Variants in PLAGL1 observed in about 807,000 individuals in gnomAD.
PLAGL1 encodes the protein zinc finger protein PLAGL1.
A neutral mutation model predicts 4.6 loss-of-function variants in PLAGL1; 1 was observed. That is an observed-to-expected ratio of 0.22 (90% CI 0.08 to 1.03). The LOEUF (loss-of-function observed/expected upper bound fraction) is 1.03. Among genes scored for constraint, PLAGL1 ranks in the 50% least tolerant of loss-of-function variants. The pLI is 0.58. For missense variants in PLAGL1, 464 were observed against 570.4 expected (o/e 0.81, Z 1.90); for synonymous variants, 240 against 237.8 (o/e 1.01, Z -0.08).
In PLAGL1 at chr6:143,940,826, A is replaced by C. The variant is rs1778422766; in HGVS notation, c.*598T>G. 1.3e-5 allele frequency: 2 copies of C among 152,584 alleles called. No individual in the cohort carries two copies. Among genetic ancestry groups the C allele is most frequent in the Admixed American group, 1.3e-4 (2 of 15,278 alleles). 9.5% of individuals were successfully genotyped at this position (152,584 alleles called of 1,614,324 possible). ...CTCACATTGCAGCATCTTGTGGAAA[A>C]TATTCAAACTACATTTAAAATGCTT... On this transcript the variant is annotated 3_prime_UTR_variant, in exon 8 of 8. Coordinates refer to ENST00000674357, the MANE Select transcript of PLAGL1 (RefSeq NM_001317162.2).
chr6:144,049,579 A>G (rs1798432564), intron 1 of PLAGL1, among the ~76,000 whole-genome samples: 1 of 152,156 alleles, frequency 6.6e-6, no homozygotes, highest in South Asian at 2.1e-4. Context: ...TGAGGAGTGA[A>G]GGGGAAAGAG....
rs57728555 is a variant in PLAGL1 at position 143,982,396 on chromosome 6, G to C, written c.-544+2739C>G. 6.6e-6 allele frequency among the ~76,000 whole-genome samples: 1 copy of C among 152,102 alleles called. No homozygotes were observed. Among genetic ancestry groups the C allele is most frequent in the African/African-American group, 2.4e-5 (1 of 41,408 alleles). On this transcript the variant is annotated intron_variant, in intron 2 of 7. Transcript: ENST00000674357. The surrounding 1 kb of genome is among the most constrained non-coding windows in gnomAD (Gnocchi z 5.3). ...GCTAAAGCAGTCAGTGAAGGGAAGC[G>C]GTAAAAGATTAGGCCAGAAGTAATG...
Position 143,958,241 on chromosome 6 carries a change from C to T in PLAGL1, c.-325+2228G>A, listed in dbSNP as rs1245557946. Among the ~76,000 whole-genome samples the T allele has an allele frequency of 6.6e-6, 1 of 152,198 alleles. No individual in the cohort carries two copies. Among genetic ancestry groups the T allele is most frequent in the African/African-American group, 2.4e-5 (1 of 41,418 alleles). On this transcript the variant is annotated intron_variant, in intron 6 of 7. Coordinates refer to ENST00000674357, the MANE Select transcript of PLAGL1 (RefSeq NM_001317162.2). The surrounding 1 kb of genome is among the most constrained non-coding windows in gnomAD (Gnocchi z 5.1). ...AAGTTACATATAATCACTTATCCCT[C>T]CCCCATGGGTAACTCAGTTACCTGG...
rs1793895184 is a variant in PLAGL1 at position 144,005,178 on chromosome 6, T to C, written c.-584+2912A>G. The C allele has an allele frequency of 6.6e-6, 1 of 152,042 alleles. No individual in the cohort carries two copies. Among genetic ancestry groups the C allele is most frequent in the Non-Finnish European group, 1.5e-5 (1 of 67,976 alleles). 9.4% of individuals were successfully genotyped at this position (152,042 alleles called of 1,614,324 possible). A position where few individuals can be genotyped will look rare whatever the true frequency, so the allele number is the denominator to read the frequency against. ...GCCTTGACACGTATGCTAACTACAG[T>C]GCAAATTAGAAATCAGTAACAAAAG... On this transcript the variant is annotated intron_variant, in intron 1 of 7. Transcript: ENST00000674357. The surrounding 1 kb of genome is among the most constrained non-coding windows in gnomAD (Gnocchi z 4.6).
Position 144,034,034 on chromosome 6 carries a change from T to C in PLAGL1, c.-151+30434A>G, listed in dbSNP as rs1797033967. Among the ~76,000 whole-genome samples the C allele has an allele frequency of 6.6e-6, 1 of 152,246 alleles. No homozygotes were observed. The highest frequency in any genetic ancestry group is 1.9e-4 in the East Asian group (1 of 5,200). On this transcript the variant is annotated intron_variant, in intron 1 of 3. Transcript: ENST00000437412. The surrounding 1 kb of genome is among the most constrained non-coding windows in gnomAD (Gnocchi z 4.7). ...ATCAAAAACACATGGATGCTTTTAC[T>C]ACACTACAGACATGGTCTCCATGTA...
At chr6:144,049,020 T>C (rs1401358673) in intron 1 of PLAGL1, among the ~76,000 whole-genome samples, 2 of 152,222 alleles carry the variant, frequency 1.3e-5, no homozygotes, top group Admixed American at 1.3e-4. Flanking sequence ...GCTTAGAAAT[T>C]TCTTTTGCCA....
chr6:144,031,787 GT>G (rs1405810329), intron 1 of PLAGL1, among the ~76,000 whole-genome samples: 1 of 152,158 alleles, frequency 6.6e-6, no homozygotes, highest in African/African-American at 2.4e-5. Context: ...GTAATGTGAT[GT>G]CTCCAGATTT....
At position 143,985,897 on chromosome 6, in the gene PLAGL1, ATG is replaced by A. The variant is rs55710387; in HGVS notation, c.-583-725_-583-724del. Among the ~76,000 whole-genome samples, 276 of 140,032 alleles carry A rather than the reference ATG, an allele frequency of 2.0e-3. No individual in the cohort carries two copies. The highest frequency in any genetic ancestry group is 5.9e-3 in the African/African-American group (224 of 37,932). 91.9% of individuals were successfully genotyped at this position (140,032 alleles called of 152,430 possible). A position where few individuals can be genotyped will look rare whatever the true frequency, so the allele number is the denominator to read the frequency against. On this transcript the variant is annotated intron_variant, in intron 1 of 7. Transcript: ENST00000674357. The surrounding 1 kb of genome is among the most constrained non-coding windows in gnomAD (Gnocchi z 4.4). ...GCCAAGCTACATATTATATATTATT[ATG>A]TGTGTGTGTGTGTGTGTGTATACAC...
rs182787012 is a variant in PLAGL1 at position 144,040,219 on chromosome 6, G to A, written c.-151+24249C>T. 5.9e-5 allele frequency among the ~76,000 whole-genome samples: 9 copies of A among 152,280 alleles called. No individual in the cohort carries two copies. The East Asian group carries it at 1.5e-3, about 26-fold the overall frequency. ...AAATATTTTAGTAATGTTTTAGCTAGTTAATATCTTACTTAAAACAAGGTC... is the reference window on the plus strand; with the variant it reads ...AAATATTTTAGTAATGTTTTAGCTAATTAATATCTTACTTAAAACAAGGTC... On this transcript the variant is annotated intron_variant, in intron 1 of 3. Transcript: ENST00000437412.
At position 143,949,418 on chromosome 6, in the gene PLAGL1, A is replaced by G. The variant is rs1462583514; in HGVS notation, c.-324-958T>C. 6.6e-6 allele frequency among the ~76,000 whole-genome samples: 1 copy of G among 152,214 alleles called. No individual in the cohort carries two copies. Among genetic ancestry groups the G allele is most frequent in the Non-Finnish European group, 1.5e-5 (1 of 68,036 alleles). On this transcript the variant is annotated intron_variant, in intron 6 of 7. Transcript: ENST00000674357. The surrounding 1 kb of genome is among the most constrained non-coding windows in gnomAD (Gnocchi z 5.3). ...ACTTACTAGGGTGGCTTTCCACCCA[A>G]GCTGAGAAACTGTGTTCCAAAAATT...
rs1231853123 is a variant in PLAGL1, at chr6:144,061,427, C to T, written c.-151+3041G>A. ...AGAGAGCAGCCACTCCTGAATGTGG[C>T]CTTTTCACAGCCAGGTGCCTCTGAA... On this transcript the variant is annotated intron_variant, in intron 1 of 3. Transcript: ENST00000437412. This position sits in a 1 kb window ranked among gnomAD's most constrained non-coding sequence, Gnocchi z 4.4. 1.3e-5 allele frequency among the ~76,000 whole-genome samples: 2 copies of T among 152,190 alleles called. No homozygotes were observed. Among genetic ancestry groups the T allele is most frequent in the Non-Finnish European group, 2.9e-5 (2 of 68,042 alleles).
Position 143,957,666 on chromosome 6 carries a change from A to G in PLAGL1, c.-325+2803T>C, listed in dbSNP as rs1046310729. Among the ~76,000 whole-genome samples, 1 of 152,206 alleles carries G rather than the reference A, an allele frequency of 6.6e-6. No homozygotes were observed. The highest frequency in any genetic ancestry group is 2.4e-5 in the African/African-American group (1 of 41,448). ...ATATAGGCTCACATTGAGAAGAGAA[A>G]TGTGAAAAGCATATTAGTTACATTG... On this transcript the variant is annotated intron_variant, in intron 6 of 7. Coordinates refer to ENST00000674357, the MANE Select transcript of PLAGL1 (RefSeq NM_001317162.2). This position sits in a 1 kb window ranked among gnomAD's most constrained non-coding sequence, Gnocchi z 4.2.
At chr6:143,996,919 T>C (rs1165582087) in intron 1 of PLAGL1, among the ~76,000 whole-genome samples, 1 of 152,162 alleles carries the variant, frequency 6.6e-6, no homozygotes, top group African/African-American at 2.4e-5. Context: ...CAGATCTAAA[T>C]GTAAAAATAA....
intron 2 of PLAGL1, among the ~76,000 whole-genome samples, chr6:143,977,195 T>C (rs1020792917): frequency 2.0e-5 from 3 of 150,474 alleles, no homozygotes; most frequent in Non-Finnish European, 4.4e-5. Flanking sequence ...CCAGAATCCA[T>C]GGTTTAGAGT....
chr6:144,021,800 A>C (rs1795997539), intron 1 of PLAGL1, among the ~76,000 whole-genome samples: 1 of 152,232 alleles, frequency 6.6e-6, no homozygotes. Flanking sequence ...CCTTTGTGAA[A>C]GCAATTAGAA....
chr6:144,037,730 G>C (rs1203753865), intron 1 of PLAGL1: 1 of 151,982 alleles, frequency 6.6e-6, no homozygotes, highest in African/African-American at 2.4e-5. Flanking sequence ...TATTTTCTTA[G>C]ATATTTACTG....
chr6:144,056,290 G>A lies in PLAGL1; in HGVS notation c.-151+8178C>T, dbSNP rs1252295642. Among the ~76,000 whole-genome samples the A allele has an allele frequency of 1.3e-5, 2 of 152,156 alleles. No individual in the cohort carries two copies. Among genetic ancestry groups the A allele is most frequent in the Non-Finnish European group, 2.9e-5 (2 of 68,030 alleles). ...TCCCCTATTACCGGCATCCCCACCA[G>A]GATGGCGCATTTGTTCCAACTGTTC... On this transcript the variant is annotated intron_variant, in intron 1 of 3. Transcript: ENST00000437412. The surrounding 1 kb of genome is among the most constrained non-coding windows in gnomAD (Gnocchi z 4.7).
intron 2 of PLAGL1, among the ~76,000 whole-genome samples, chr6:143,981,685 G>C (rs558486310): frequency 6.6e-6 from 1 of 152,048 alleles, no homozygotes; most frequent in Non-Finnish European, 1.5e-5. Flanking sequence ...TATTTTAGGC[G>C]AGAGAATAAC....
In PLAGL1 at chr6:143,982,971, G is replaced by A. The variant is rs1788283245; in HGVS notation, c.-544+2164C>T. Reference sequence around the variant, plus strand: ...ACTGGAGACAATTTAGTAGCTGCCAGCATATATGTATTTAAAGCCATAAAA... The same window carrying A: ...ACTGGAGACAATTTAGTAGCTGCCAACATATATGTATTTAAAGCCATAAAA... On this transcript the variant is annotated intron_variant, in intron 2 of 7. Transcript: ENST00000674357. This position sits in a 1 kb window ranked among gnomAD's most constrained non-coding sequence, Gnocchi z 5.3. Among the ~76,000 whole-genome samples the A allele has an allele frequency of 2.0e-5, 3 of 152,180 alleles. No individual in the cohort carries two copies. Among genetic ancestry groups the A allele is most frequent in the African/African-American group, 7.2e-5 (3 of 41,440 alleles).
Sources: gnomAD v4.1 joint callset for allele counts (sites outside exome capture counted in the v4.1 genomes callset) on GRCh38, gnomAD v4.1.1 for gene constraint, Gnocchi (gnomAD v3.1) non-coding constraint, MANE v1.5 for transcripts, NCBI Gene and HGNC (gene_info 2026-07-23, HGNC 2026-07-21) for gene names.